FREM1: variants seen among roughly 807,000 people sequenced by gnomAD.
The protein encoded by FREM1 is FRAS1 related extracellular matrix 1, also known as FRAS1-related extracellular matrix protein 1.
A neutral mutation model predicts 210.1 loss-of-function variants in FREM1; 220 were observed. The ratio of observed to expected loss-of-function variants is 1.05; its 90% CI spans 0.94 to 1.17. The LOEUF is 1.17. Among genes scored for constraint, FREM1 ranks in the 50% most tolerant of loss-of-function variants. The pLI is 0.00. For missense variants in FREM1, 3,454 were observed against 2,675.5 expected (o/e 1.29, Z -6.42); for synonymous variants, 1,189 against 980.2 (o/e 1.21, Z -3.98).
Position 14,846,053 on chromosome 9 carries a change from A to C in FREM1, c.1300T>G (p.Trp434Gly), listed in dbSNP as rs763198297. ...LLEGQSRAIT[W>G]EQFQVVDNDD... ...TTGTCGACAACCTGAAACTGTTCCC[A>C]AGTGATGGCTCGAGACTGCCCCTCA... The change falls in exon 8 of 37, where the codon TGG becomes GGG. Residue 434 changes from tryptophan (W) to glycine (G), a missense_variant. Coordinates refer to ENST00000380880, the MANE Select transcript of FREM1 (RefSeq NM_001379081.2). The C allele has an allele frequency of 6.2e-7, 1 of 1,601,822 alleles. No individual in the cohort carries two copies. The highest frequency in any genetic ancestry group is 1.7e-5 in the Admixed American group (1 of 58,204).
At chr9:14,892,356 G>A (rs567873420) in intron 1 of FREM1, among the ~76,000 whole-genome samples, 17 of 152,234 alleles carry the variant, frequency 1.1e-4, no homozygotes, top group Non-Finnish European at 1.5e-4. Flanking sequence ...AGTAAATGAC[G>A]GGATTGGGTT....
intron 35 of FREM1, among the ~76,000 whole-genome samples, chr9:14,742,209 G>C (rs1201535544): frequency 1.3e-5 from 2 of 152,104 alleles, no homozygotes; most frequent in African/African-American, 4.8e-5. Context: ...ATTAGAAACA[G>C]AAGCTTTAAT....
chr9:14,858,111 T>C (rs1829123580), intron 4 of FREM1, among the ~76,000 whole-genome samples: 1 of 152,214 alleles, frequency 6.6e-6, no homozygotes, highest in South Asian at 2.1e-4. Flanking sequence ...TCCATGTCTC[T>C]ATCATACAAT....
rs768389830 is a variant in FREM1, at chr9:14,816,658, C to A, written c.2640+120G>T. 8.5e-5 allele frequency: 40 copies of A among 469,610 alleles called. No individual in the cohort carries two copies. In the Middle Eastern group the frequency reaches 9.5e-4, roughly 11 times the overall value. The allele number at this position is 469,610 out of a possible 1,614,324, so 29.1% of individuals were successfully genotyped here. ...GCTACCCAATCTTAGACTTCCCAGC[C>A]TCCAGAGTCATGAGCCAAATAAATT... On this transcript the variant is annotated intron_variant, in intron 15 of 36. Transcript: ENST00000380880.
At chr9:14,857,356 A>T (rs758102331) in intron 5 of FREM1, among the ~76,000 whole-genome samples, 197 bp downstream of exon 5, 4 of 152,166 alleles carry the variant, frequency 2.6e-5, no homozygotes, top group African/African-American at 2.4e-5. Context: ...CAGAGAAGGG[A>T]AATTTTATAC....
chr9:14,878,378 G>A (rs10810280), intron 1 of FREM1, among the ~76,000 whole-genome samples: 13,103 of 151,420 alleles, frequency 0.087, 872 homozygotes, highest in African/African-American at 0.18. Context: ...TGACTTGAAC[G>A]TTCTTCCCCC....
At chr9:14,796,248 T>C (rs1852359754) in intron 21 of FREM1, among the ~76,000 whole-genome samples, 1 of 152,148 alleles carries the variant, frequency 6.6e-6, no homozygotes, top group Non-Finnish European at 1.5e-5. Flanking sequence ...CAGTAAGTTA[T>C]TCACTCCCTG....
At chr9:14,780,450 A>AAAAAAAAAAAAAAAAAAT in intron 24 of FREM1, among the ~76,000 whole-genome samples, 1 of 150,882 alleles carries the variant, frequency 6.6e-6, no homozygotes, top group Non-Finnish European at 1.5e-5. Context: ...AAAAAAAAAA[A>AAAAAAAAAAAAAAAAAAT]GTCCAGCCGG....
chr9:14,785,999 A>T (rs1196443491), intron 23 of FREM1, among the ~76,000 whole-genome samples: 1 of 152,184 alleles, frequency 6.6e-6, no homozygotes, highest in Non-Finnish European at 1.5e-5. Context: ...ATGCAGTTTC[A>T]CAAACTAGGG....
chr9:14,783,433 CA>C (rs1849936996), intron 24 of FREM1, among the ~76,000 whole-genome samples: 1 of 152,172 alleles, frequency 6.6e-6, no homozygotes, highest in Non-Finnish European at 1.5e-5. Context: ...GTGAAAATTG[CA>C]CCAGGAACCA....
intron 10 of FREM1, among the ~76,000 whole-genome samples, chr9:14,837,808 A>C (rs969668677): frequency 1.3e-5 from 2 of 152,220 alleles, no homozygotes; most frequent in African/African-American, 4.8e-5. Flanking sequence ...TTTAATTTTT[A>C]ATTATTGAAA....
At chr9:14,834,972 G>T (rs1232189508) in intron 10 of FREM1, among the ~76,000 whole-genome samples, 1 of 152,118 alleles carries the variant, frequency 6.6e-6, no homozygotes, top group Non-Finnish European at 1.5e-5. Flanking sequence ...TCAAAAGATG[G>T]TTTATAATCA....
chr9:14,797,341 CACTAAAGG>C (rs1421516465), intron 21 of FREM1, among the ~76,000 whole-genome samples, 149 bp downstream of exon 21: 1 of 152,188 alleles, frequency 6.6e-6, no homozygotes, highest in East Asian at 1.9e-4. Flanking sequence ...CTAACATTTG[CACTAAAGG>C]TTCCTCATGC....
chr9:14,833,511 C>A (rs746967751), intron 10 of FREM1, among the ~76,000 whole-genome samples: 13 of 152,168 alleles, frequency 8.5e-5, no homozygotes, highest in African/African-American at 2.9e-4. Context: ...ATGGTAGTTT[C>A]AAAAGCTGCC....
intron 1 of FREM1, among the ~76,000 whole-genome samples, chr9:14,889,822 A>C (rs1437091375): frequency 6.6e-6 from 1 of 152,226 alleles, no homozygotes; most frequent in Admixed American, 6.5e-5. Context: ...AATTTATTGA[A>C]TATAAGTGCC....
chr9:14,868,395 T>A (rs1263526011), intron 2 of FREM1, among the ~76,000 whole-genome samples: 1 of 152,176 alleles, frequency 6.6e-6, no homozygotes, highest in Non-Finnish European at 1.5e-5. Context: ...TTGGAAAGAC[T>A]TACTGAAACA....
At chr9:14,861,047 A>ATATATACC in intron 3 of FREM1, among the ~76,000 whole-genome samples, 1 of 74,310 alleles carries the variant, frequency 1.3e-5, no homozygotes, top group East Asian at 1.2e-3. Context: ...ACATATATAC[A>ATATATACC]TATATACATA....
chr9:14,894,676 A>G (rs1300569148), intron 1 of FREM1, among the ~76,000 whole-genome samples: 1 of 152,222 alleles, frequency 6.6e-6, no homozygotes, highest in East Asian at 1.9e-4. Flanking sequence ...AAACTTTTCT[A>G]TTAAGCTATT....
intron 8 of FREM1, among the ~76,000 whole-genome samples, chr9:14,844,041 A>T (rs1386770092): frequency 6.6e-6 from 1 of 152,192 alleles, no homozygotes; most frequent in Non-Finnish European, 1.5e-5. Context: ...ATGAGATAAC[A>T]AGTTAAAGTA....
Sources: gnomAD v4.1 joint callset for allele counts (sites outside exome capture counted in the v4.1 genomes callset) on GRCh38, gnomAD v4.1.1 for gene constraint, MANE v1.5 for transcripts, NCBI Gene and HGNC (gene_info 2026-07-23, HGNC 2026-07-21) for gene names.